ATAD2: variants seen among roughly 807,000 people sequenced by gnomAD.
ATAD2 encodes ATPase family AAA domain containing 2, also known as ATPase family AAA domain-containing protein 2.
ATAD2 carries 62 observed loss-of-function variants against 168.9 expected under a neutral mutation model. The ratio of observed to expected loss-of-function variants is 0.37; its 90% CI spans 0.30 to 0.45. The LOEUF (loss-of-function observed/expected upper bound fraction) is 0.45. Ranked by LOEUF, ATAD2 falls within the 20% of genes least tolerant of loss-of-function variation. The pLI is 1.00. For missense variants in ATAD2, 1,419 were observed against 1,667.8 expected (o/e 0.85, Z 2.60); for synonymous variants, 613 against 571.6 (o/e 1.07, Z -1.03).
At chr8:123,383,188 C>T (rs1586899934) in intron 1 of ATAD2, among the ~76,000 whole-genome samples, 1 of 151,968 alleles carries the variant, frequency 6.6e-6, no homozygotes, top group East Asian at 1.9e-4. Context: ...TACACCAGGG[C>T]CTTTCGGGGA....
upstream of ATAD2, among the ~76,000 whole-genome samples, chr8:123,397,507 C>A (rs1812914384): frequency 6.6e-6 from 1 of 152,152 alleles, no homozygotes; most frequent in Admixed American, 6.5e-5. Flanking sequence ...ATGGCAGTTA[C>A]TTGACTACTT....
chr8:123,400,563 G>C (rs16898266), upstream of ATAD2: 4,011 of 489,144 alleles, frequency 8.2e-3, 138 homozygotes, highest in African/African-American at 0.069. This position sits in a 1 kb window ranked among gnomAD's most constrained non-coding sequence, Gnocchi z 4.5. Context: ...TGGGTCGCCG[G>C]GTCTCTGGCA....
chr8:123,388,499 TTCTC>T (rs1294765285), intron 1 of ATAD2, among the ~76,000 whole-genome samples: 1 of 152,098 alleles, frequency 6.6e-6, no homozygotes, highest in Non-Finnish European at 1.5e-5. Flanking sequence ...GTTCAAGCGA[TTCTC>T]TCTCTCAGCC....
chr8:123,377,091 C>CAAAAAAAAAAAAAAA (rs58655606), intron 2 of ATAD2, among the ~76,000 whole-genome samples: 720 of 27,242 alleles, frequency 0.026, 226 homozygotes, highest in Middle Eastern at 0.33. Flanking sequence ...GACTCCGTCT[C>CAAAAAAAAAAAAAAA]AAAAAAAAAA....
At chr8:123,370,221 T>A (rs1829110312) in intron 6 of ATAD2, among the ~76,000 whole-genome samples, 197 bp from the exon 7 acceptor site, 1 of 150,918 alleles carries the variant, frequency 6.6e-6, no homozygotes, top group African/African-American at 2.4e-5. Context: ...TTTCCAACAT[T>A]AAAAAACTGC....
Position 123,402,129 on chromosome 8 carries a change from G to A in ATAD2, c.-2281-954C>T. 1.2e-6 allele frequency: 1 copy of A among 828,212 alleles called. No homozygotes were observed. The highest frequency in any genetic ancestry group is 2.6e-5 in the East Asian group (1 of 38,728). 51.3% of individuals were successfully genotyped at this position (828,212 alleles called of 1,614,324 possible). On this transcript the variant is annotated intron_variant, in intron 1 of 28. Transcript: ENST00000521903. The surrounding 1 kb of genome is among the most constrained non-coding windows in gnomAD (Gnocchi z 4.8). ...TACTGACAGCAGTGGAGGCCGAGGT[G>A]GTGGAGGGGGCACCCCCCAGTGTCC...
At chr8:123,362,706 C>T (rs562756162) in intron 8 of ATAD2, among the ~76,000 whole-genome samples, 8 of 152,084 alleles carry the variant, frequency 5.3e-5, no homozygotes, top group Non-Finnish European at 8.8e-5. Flanking sequence ...TGAGTCATCA[C>T]GCCCGGCCAA....
At chr8:123,409,244 C>T (rs978582990) in intron 1 of ATAD2, among the ~76,000 whole-genome samples, 1 of 152,132 alleles carries the variant, frequency 6.6e-6, no homozygotes, top group Admixed American at 6.6e-5. Flanking sequence ...GAGTCTAATA[C>T]CACAAGTATG....
chr8:123,407,563 A>C (rs1813084094), intron 1 of ATAD2, among the ~76,000 whole-genome samples: 1 of 151,946 alleles, frequency 6.6e-6, no homozygotes, highest in Admixed American at 6.6e-5. Context: ...ATCTCTACTA[A>C]AAATACAAAA....
chr8:123,413,478 A>C (rs914890080), intron 1 of ATAD2, among the ~76,000 whole-genome samples: 2 of 152,202 alleles, frequency 1.3e-5, no homozygotes, highest in Non-Finnish European at 2.9e-5. Context: ...CCATTAGATA[A>C]GCACTCTACT....
chr8:123,406,415 T>G (rs1813069038), intron 1 of ATAD2, among the ~76,000 whole-genome samples: 1 of 145,210 alleles, frequency 6.9e-6, no homozygotes, highest in African/African-American at 2.6e-5. Context: ...TTTAATAAAA[T>G]TAAAAAAAAA....
intron 1 of ATAD2, among the ~76,000 whole-genome samples, chr8:123,391,398 A>C (rs1563865863): frequency 6.6e-6 from 1 of 151,766 alleles, no homozygotes; most frequent in Non-Finnish European, 1.5e-5. Flanking sequence ...AAATATAAAA[A>C]TACAATGTAG....
intron 8 of ATAD2, among the ~76,000 whole-genome samples, chr8:123,362,506 G>GAGAA (rs1828857754): frequency 6.6e-6 from 1 of 151,538 alleles, no homozygotes; most frequent in African/African-American, 2.4e-5. Flanking sequence ...TGCCTCCTGG[G>GAGAA]TTCCAGTTGA....
At chr8:123,331,028 A>G (rs1827761493) in intron 24 of ATAD2, among the ~76,000 whole-genome samples, 1 of 152,042 alleles carries the variant, frequency 6.6e-6, no homozygotes, top group African/African-American at 2.4e-5. Context: ...GGTTCAAGCA[A>G]TTCTCTTGCC....
chr8:123,337,223 C>A (rs560085865), intron 21 of ATAD2, among the ~76,000 whole-genome samples: 1 of 151,796 alleles, frequency 6.6e-6, no homozygotes. Context: ...ATTAGCTGGA[C>A]GTGGTGGCAC....
chr8:123,344,875 A>G lies in ATAD2; in HGVS notation c.2718+9T>C. On this transcript the variant is annotated intron_variant, in intron 19 of 27. Coordinates refer to ENST00000287394, the MANE Select transcript of ATAD2 (RefSeq NM_014109.4). The stretch of plus-strand genomic sequence containing the variant: ...TGAAAGTATAATGATACCGCCCCAC[A>G]TAAATTACCTCTTCTGGCAAAGCGG... 6.2e-7 allele frequency: 1 copy of G among 1,613,422 alleles called. No individual in the cohort carries two copies. Among genetic ancestry groups the G allele is most frequent in the Non-Finnish European group, 8.5e-7 (1 of 1,179,338 alleles).
intron 1 of ATAD2, among the ~76,000 whole-genome samples, chr8:123,386,252 C>A (rs1027036842): frequency 6.6e-6 from 1 of 152,078 alleles, no homozygotes; most frequent in African/African-American, 2.4e-5. Flanking sequence ...ATTCAATTCC[C>A]AAAAGGGGAA....
intron 2 of ATAD2, among the ~76,000 whole-genome samples, chr8:123,377,091 C>CAAAAAAAAAAGAAAAAA (rs1829338849): frequency 3.7e-5 from 1 of 27,258 alleles, no homozygotes; most frequent in Non-Finnish European, 5.6e-5. Context: ...GACTCCGTCT[C>CAAAAAAAAAAGAAAAAA]AAAAAAAAAA....
chr8:123,396,717 A>G (rs539498511), upstream of ATAD2, among the ~76,000 whole-genome samples: 5 of 152,178 alleles, frequency 3.3e-5, no homozygotes, highest in African/African-American at 7.2e-5. Flanking sequence ...AGCGGTGCGT[A>G]GCCCGTTTGG....
Sources: allele counts gnomAD v4.1 joint callset (sites outside exome capture counted in the v4.1 genomes callset), GRCh38; gene constraint gnomAD v4.1.1; non-coding constraint Gnocchi (gnomAD v3.1); transcripts MANE v1.5; gene names NCBI Gene and HGNC (gene_info 2026-07-23, HGNC 2026-07-21).